PLA2R1: variants seen among roughly 807,000 people sequenced by gnomAD.
The protein encoded by PLA2R1 is secretory phospholipase A2 receptor.
A neutral mutation model predicts 195.9 loss-of-function variants in PLA2R1; 158 were observed. The ratio of observed to expected loss-of-function variants is 0.81; its 90% confidence interval spans 0.71 to 0.92. The LOEUF is 0.92. PLA2R1 is among the 40% of genes least tolerant of loss of function. The pLI, the probability that PLA2R1 is intolerant of heterozygous loss-of-function variation, is 0.00. For synonymous variants in PLA2R1, 586 were observed against 598.2 expected (o/e 0.98, Z 0.30); for missense variants, 1,626 against 1,764.6 (o/e 0.92, Z 1.41).
At chr2:160,011,873 CG>C (rs1359022208) in intron 10 of PLA2R1, among the ~76,000 whole-genome samples, 1 of 152,130 alleles carries the variant, frequency 6.6e-6, no homozygotes, top group Non-Finnish European at 1.5e-5. Context: ...TATATTTCAA[CG>C]GGAGGATCTC....
At chr2:159,944,766 G>A in intron 28 of PLA2R1, 140 bp downstream of exon 28, 1 of 616,722 alleles carries the variant, frequency 1.6e-6, no homozygotes, top group Non-Finnish European at 2.9e-6. Context: ...GACTTGTTTG[G>A]TGCAGAACAC....
intron 18 of PLA2R1, among the ~76,000 whole-genome samples, chr2:159,969,737 T>C (rs1186818922): frequency 6.6e-6 from 1 of 152,064 alleles, no homozygotes; most frequent in East Asian, 1.9e-4. Flanking sequence ...GAGAGAGAGT[T>C]TCTCCATGTT....
chr2:159,933,562 T>C lies in PLA2R1; in HGVS notation c.*8216A>G, dbSNP rs1241337843. On this transcript the variant is annotated 3_prime_UTR_variant, in exon 30 of 30. Coordinates refer to ENST00000283243, the MANE Select transcript of PLA2R1 (RefSeq NM_007366.5). ...TCTTCTTGATATTATTTATGTCACA[T>C]TGCATTGCACTTATCATTTACATAT... is the stretch of plus-strand genomic sequence containing the variant. 6.6e-6 allele frequency: 1 copy of C among 152,168 alleles called. No homozygotes were observed. The highest frequency in any genetic ancestry group is 1.5e-5 in the Non-Finnish European group (1 of 68,034). 9.4% of individuals were successfully genotyped at this position (152,168 alleles called of 1,614,324 possible). A position where few individuals can be genotyped will look rare whatever the true frequency, so the allele number is the denominator to read the frequency against.
chr2:160,051,887 T>A (rs1361854368), intron 1 of PLA2R1, among the ~76,000 whole-genome samples: 1 of 152,216 alleles, frequency 6.6e-6, no homozygotes, highest in Non-Finnish European at 1.5e-5. Context: ...CATCTGAGTT[T>A]TCATGTGTCT....
Position 159,955,346 on chromosome 2 carries a change from T to G in PLA2R1, c.3154A>C (p.Ile1052Leu), listed in dbSNP as rs760599087. ...ACTTCAGTGGTATTGTGACTTGGAATCTTTAAAATAATACACGTTATCAAA... is the reference window on the plus strand; with the variant it reads ...ACTTCAGTGGTATTGTGACTTGGAAGCTTTAAAATAATACACGTTATCAAA... ...SNWSPFDIIN[I>L]PSHNTTEVQK... Residue 1052 changes from isoleucine to leucine, a missense_variant and splice_region_variant, in exon 23 of 30, where the codon ATT becomes CTT. Coordinates refer to ENST00000283243, the MANE Select transcript of PLA2R1 (RefSeq NM_007366.5). 1 of 1,582,986 alleles carries G rather than the reference T, an allele frequency of 6.3e-7. No individual in the cohort carries two copies. Among genetic ancestry groups the G allele is most frequent in the Non-Finnish European group, 8.7e-7 (1 of 1,155,898 alleles).
intron 10 of PLA2R1, among the ~76,000 whole-genome samples, chr2:160,007,788 T>G (rs958116707): frequency 6.6e-6 from 1 of 152,196 alleles, no homozygotes; most frequent in African/African-American, 2.4e-5. Context: ...CTTGGAAGAC[T>G]TAATATTGTT....
In PLA2R1 at chr2:159,936,212, A is replaced by G. The variant is rs1160273896; in HGVS notation, c.*5566T>C. ...CGTGATCCACCCGCCTCGGCCTCCC[A>G]AAGTTGCTGGGATTACAGGCGTGAG... On this transcript the variant is annotated 3_prime_UTR_variant, in exon 30 of 30. Coordinates refer to ENST00000283243, the MANE Select transcript of PLA2R1 (RefSeq NM_007366.5). 1.3e-5 allele frequency: 2 copies of G among 152,142 alleles called. No homozygotes were observed. Among genetic ancestry groups the G allele is most frequent in the Admixed American group, 1.3e-4 (2 of 15,270 alleles). 9.4% of individuals were successfully genotyped at this position (152,142 alleles called of 1,614,324 possible).
chr2:159,948,607 G>A (rs1376903241), intron 25 of PLA2R1, among the ~76,000 whole-genome samples: 3 of 97,888 alleles, frequency 3.1e-5, no homozygotes, highest in African/African-American at 1.1e-4. Flanking sequence ...CATTGTTATT[G>A]AAAGGACAAG....
At chr2:159,984,596 G>C (rs1690195999) in intron 12 of PLA2R1, among the ~76,000 whole-genome samples, 1 of 152,158 alleles carries the variant, frequency 6.6e-6, no homozygotes, top group Admixed American at 6.5e-5. Context: ...TTAGACCTGG[G>C]ACCTAGGGTA....
intron 11 of PLA2R1, among the ~76,000 whole-genome samples, chr2:159,990,511 AATT>A (rs902554490): frequency 1.3e-5 from 2 of 152,122 alleles, no homozygotes; most frequent in African/African-American, 4.8e-5. Context: ...GCCTCTAGAC[AATT>A]ATTTCACTTG....
chr2:159,942,981 T>C (rs1330151445), intron 28 of PLA2R1, among the ~76,000 whole-genome samples: 3 of 151,804 alleles, frequency 2.0e-5, no homozygotes, highest in Admixed American at 6.6e-5. Context: ...TTCTTTTTTT[T>C]TTTTTTTTGA....
At position 159,934,614 on chromosome 2, in the gene PLA2R1, T is replaced by G. The variant is rs1443894088; in HGVS notation, c.*7164A>C. On this transcript the variant is annotated 3_prime_UTR_variant, in exon 30 of 30. Transcript: ENST00000283243. ...TTTCAGAATATTATAAATAACAACATGTAAAAATAAAAGTGCCTTATCACC... is the reference window on the plus strand; with the variant it reads ...TTTCAGAATATTATAAATAACAACAGGTAAAAATAAAAGTGCCTTATCACC... 2.6e-5 allele frequency: 4 copies of G among 152,322 alleles called. No individual in the cohort carries two copies. The highest frequency in any genetic ancestry group is 2.0e-4 in the Admixed American group (3 of 15,300). 9.4% of individuals were successfully genotyped at this position (152,322 alleles called of 1,614,324 possible). A position where few individuals can be genotyped will look rare whatever the true frequency, so the allele number is the denominator to read the frequency against.
intron 3 of PLA2R1, among the ~76,000 whole-genome samples, chr2:160,038,085 T>C (rs1388418070): frequency 1.3e-5 from 2 of 152,202 alleles, no homozygotes; most frequent in East Asian, 3.8e-4. Flanking sequence ...CATGCATTGT[T>C]GTAGAAGTCA....
At chr2:160,054,883 T>C (rs545950444) in intron 1 of PLA2R1, among the ~76,000 whole-genome samples, 20 of 152,090 alleles carry the variant, frequency 1.3e-4, no homozygotes, top group African/African-American at 4.6e-4. Flanking sequence ...GAGGGAAGGG[T>C]TTATAAATGT....
chr2:160,038,809 A>T (rs1694334247), intron 3 of PLA2R1, among the ~76,000 whole-genome samples: 1 of 151,950 alleles, frequency 6.6e-6, no homozygotes, highest in Non-Finnish European at 1.5e-5. Context: ...GGCTCAGGAG[A>T]GAGCAGCCAT....
chr2:160,032,486 T>C (rs1393005823), intron 4 of PLA2R1, among the ~76,000 whole-genome samples: 2 of 152,238 alleles, frequency 1.3e-5, no homozygotes, highest in Admixed American at 6.5e-5. Flanking sequence ...TTAACATATA[T>C]GTGCTTTTGC....
chr2:160,025,226 G>A (rs113523283), intron 6 of PLA2R1, among the ~76,000 whole-genome samples: 1,848 of 152,292 alleles, frequency 0.012, 42 homozygotes, highest in African/African-American at 0.041. Flanking sequence ...ATTGGGCACA[G>A]TGGCTCATGG....
intron 6 of PLA2R1, among the ~76,000 whole-genome samples, chr2:160,023,251 G>A (rs917875915): frequency 2.6e-5 from 4 of 152,124 alleles, no homozygotes; most frequent in African/African-American, 9.7e-5. Flanking sequence ...AGGAGGTCAG[G>A]CATTCTAAGT....
chr2:160,039,625 T>C (rs536769929), intron 3 of PLA2R1, among the ~76,000 whole-genome samples: 2 of 152,282 alleles, frequency 1.3e-5, no homozygotes, highest in East Asian at 3.9e-4. Context: ...GAAAGAGCTA[T>C]CAGCTTGCTC....
Sources: allele counts gnomAD v4.1 joint callset (sites outside exome capture counted in the v4.1 genomes callset), GRCh38; gene constraint gnomAD v4.1.1; transcripts MANE v1.5; gene names NCBI Gene and HGNC (gene_info 2026-07-23, HGNC 2026-07-21).